Variants in KHNYN observed in about 807,000 individuals in gnomAD.
KHNYN encodes the protein KH and NYN domain containing, also known as protein KHNYN.
Under a neutral mutation model 62.7 loss-of-function variants are expected in KHNYN, and 42 were observed. The ratio of observed to expected loss-of-function variants is 0.67; its 90% CI spans 0.52 to 0.87. The LOEUF (loss-of-function observed/expected upper bound fraction) is 0.87. Ranked by LOEUF, KHNYN falls within the 40% of genes least tolerant of loss-of-function variation. The pLI, the probability that KHNYN is intolerant of heterozygous loss-of-function variation, is 0.00. For missense variants in KHNYN, 829 were observed against 874.1 expected (o/e 0.95, Z 0.65); for synonymous variants, 347 against 345.6 (o/e 1.00, Z -0.04).
At chr14:24,425,562 G>A (rs2043012109), upstream of KHNYN, among the ~76,000 whole-genome samples, 1 of 152,164 alleles carries the variant, frequency 6.6e-6, no homozygotes, top group South Asian at 2.1e-4. Flanking sequence ...ATGATCATAA[G>A]GCTGCCATCC....
chr14:24,439,927 A>G lies in KHNYN; in HGVS notation c.*2642A>G. On this transcript the variant is annotated 3_prime_UTR_variant, in exon 8 of 8. Coordinates refer to ENST00000553935, the MANE Select transcript of KHNYN (RefSeq NM_015299.3). ...CCAACCTGATGAGATTACGGCCTTG[A>G]GACAATAAGGTGGAGCAACAGAACA... is the stretch of plus-strand genomic sequence containing the variant. 1.6e-6 allele frequency: 1 copy of G among 624,684 alleles called. No homozygotes were observed. 38.7% of individuals were successfully genotyped at this position (624,684 alleles called of 1,614,324 possible).
rs746913546 is a variant in KHNYN, at chr14:24,432,112, A to G, written c.851A>G (p.Glu284Gly). ...ELPGEEAWEREVALRPQSVGG... is the reference protein window; with the variant it reads ...ELPGEEAWERGVALRPQSVGG... ...CCTGGGGAAGAGGCGTGGGAGAGAG[A>G]AGTGGCCCTCAGGCCACAGTCAGTG... The change falls in exon 3 of 8, where the codon GAA becomes GGA. Residue 284 changes from glutamate (E) to glycine (G), a missense_variant. Physicochemically the swap from Glu to Gly is moderately conservative, Grantham distance 98. This residue lies in a region of KHNYN where 559 missense variants were observed against 527.0 expected (regional missense o/e 1.06). Coordinates refer to ENST00000553935, the MANE Select transcript of KHNYN (RefSeq NM_015299.3). This position sits in a 1 kb window ranked among gnomAD's most constrained non-coding sequence, Gnocchi z 5.6. The G allele has an allele frequency of 6.4e-7, 1 of 1,553,402 alleles. No individual in the cohort carries two copies.
chr14:24,425,180 G>A (rs539878908), upstream of KHNYN, among the ~76,000 whole-genome samples: 45 of 152,270 alleles, frequency 3.0e-4, no homozygotes, highest in South Asian at 6.2e-3. Flanking sequence ...CGGCCTGGTC[G>A]ACAGAGCATG....
At chr14:24,436,892 G>C (rs1363089880) in intron 7 of KHNYN, 144 bp from the exon 8 acceptor site, 9 of 1,061,276 alleles carry the variant, frequency 8.5e-6, no homozygotes, top group Non-Finnish European at 1.2e-5. Context: ...GGTTGATACT[G>C]CCACTCAGTG....
chr14:24,439,337 G>T lies in KHNYN; in HGVS notation c.*2052G>T, dbSNP rs1024951053. The T allele has an allele frequency of 6.6e-6, 1 of 152,222 alleles. No homozygotes were observed. Among genetic ancestry groups the T allele is most frequent in the Admixed American group, 6.5e-5 (1 of 15,288 alleles). The allele number at this position is 152,222 out of a possible 1,614,324, so 9.4% of individuals were successfully genotyped here. A position where few individuals can be genotyped will look rare whatever the true frequency, so the allele number is the denominator to read the frequency against. On this transcript the variant is annotated 3_prime_UTR_variant, in exon 8 of 8. Transcript: ENST00000553935. ...TGACTGAGTGGCCCCAGTCAGATGA[G>T]AGGCAAGTCCTAAGCTTCTTATAGA...
chr14:24,429,124 G>A, upstream of KHNYN: 1 of 1,433,078 alleles, frequency 7.0e-7, no homozygotes, highest in Non-Finnish European at 9.3e-7. Flanking sequence ...TCCTCTCCCT[G>A]GATTCTCACC....
rs762485658 is a variant in KHNYN, at chr14:24,430,736, T to C, written c.6T>C (p.Pro2=). M[P]TWGARPASPD... ...CAGGGCTGGGGGCAGCAGCCATGCC[T>C]ACCTGGGGGGCCCGCCCCGCGTCCC... The change falls in exon 2 of 8, where the codon CCT becomes CCC. Residue 2 remains proline, a synonymous_variant. Transcript: ENST00000553935. The C allele has an allele frequency of 2.7e-5, 42 of 1,562,612 alleles. No individual in the cohort carries two copies. The highest frequency in any genetic ancestry group is 3.6e-5 in the Non-Finnish European group (42 of 1,153,340).
At chr14:24,430,388 C>A (rs2043084209) in intron 1 of KHNYN, 4 of 1,057,784 alleles carry the variant, frequency 3.8e-6, no homozygotes, top group Non-Finnish European at 4.7e-6. Context: ...CCTTAAGAAG[C>A]TTCAGAGTGC....
upstream of KHNYN, among the ~76,000 whole-genome samples, chr14:24,424,786 C>A (rs1424723669): frequency 1.3e-5 from 2 of 152,210 alleles, no homozygotes; most frequent in African/African-American, 4.8e-5. Context: ...GAAGTGGATT[C>A]TTCCCCTCCA....
chr14:24,433,769 G>T (rs1484464203), intron 5 of KHNYN, among the ~76,000 whole-genome samples: 1 of 152,216 alleles, frequency 6.6e-6, no homozygotes, highest in Non-Finnish European at 1.5e-5. Context: ...TACAGTCGTG[G>T]AGACAGAGGG....
chr14:24,430,675 G>T, intron 1 of KHNYN, 39 bp from the exon 2 acceptor site: 1 of 1,539,364 alleles, frequency 6.5e-7, no homozygotes, highest in South Asian at 1.2e-5. Flanking sequence ...TTTGGATGGA[G>T]GGTACAATGA....
rs762958851 is a variant in KHNYN, at chr14:24,431,860, G to T, written c.599G>T (p.Gly200Val). 7.7e-5 allele frequency: 124 copies of T among 1,614,098 alleles called. No homozygotes were observed. In the Middle Eastern group the frequency reaches 1.5e-3, roughly 19 times the overall value. Reference protein sequence around the residue: ...LLSLVQEASSGQGPGALASWE... With the variant: ...LLSLVQEASSVQGPGALASWE... ...AGTCTGGTGCAGGAGGCGTCTAGTG[G>T]GCAGGGGCCAGGAGCACTGGCTTCT... The change falls in exon 3 of 8, where the codon GGG becomes GTG. Residue 200 changes from glycine to valine, a missense_variant. This residue lies in a region of KHNYN where 559 missense variants were observed against 527.0 expected (regional missense o/e 1.06). Coordinates refer to ENST00000553935, the MANE Select transcript of KHNYN (RefSeq NM_015299.3).
chr14:24,435,933 C>A, intron 5 of KHNYN, 139 bp from the exon 6 acceptor site: 6 of 672,930 alleles, frequency 8.9e-6, no homozygotes, highest in East Asian at 2.6e-5. Flanking sequence ...TTGGGGGATA[C>A]CAATACAGTT....
chr14:24,424,560 T>C (rs1354254345), upstream of KHNYN, among the ~76,000 whole-genome samples: 1 of 152,150 alleles, frequency 6.6e-6, no homozygotes, highest in East Asian at 1.9e-4. Flanking sequence ...GACCTTAAAA[T>C]AGGGAGATTA....
Position 24,437,557 on chromosome 14 carries a change from G to A in KHNYN, c.*272G>A, listed in dbSNP as rs2043226193. 1 of 343,228 alleles carries A rather than the reference G, an allele frequency of 2.9e-6. No homozygotes were observed. The allele number at this position is 343,228 out of a possible 1,614,324, so 21.3% of individuals were successfully genotyped here. A position where few individuals can be genotyped will look rare whatever the true frequency, so the allele number is the denominator to read the frequency against. On this transcript the variant is annotated 3_prime_UTR_variant, in exon 8 of 8. Transcript: ENST00000553935. The surrounding 1 kb of genome is among the most constrained non-coding windows in gnomAD (Gnocchi z 5.5). Reference sequence around the variant, plus strand: ...GTAGGGAGTGGGGGCTGCTAGAGGGGATTAGTTCCGGAGACTGAGACTGTT... The same window carrying A: ...GTAGGGAGTGGGGGCTGCTAGAGGGAATTAGTTCCGGAGACTGAGACTGTT...
chr14:24,431,437 C>G, intron 2 of KHNYN, 26 bp from the exon 3 acceptor site: 1 of 1,535,334 alleles, frequency 6.5e-7, no homozygotes, highest in Non-Finnish European at 8.8e-7. Context: ...GTTTACTTTT[C>G]CTGACCTTCC....
At position 24,430,161 on chromosome 14, in the gene KHNYN, G is replaced by A. The variant is rs552392045; in HGVS notation, c.-18+42G>A. On this transcript the variant is annotated intron_variant, in intron 1 of 7. Coordinates refer to ENST00000553935, the MANE Select transcript of KHNYN (RefSeq NM_015299.3). ...ACCGCGCCCGGGAGCGGGGAGCGGGGGCCGCGGTGCGGAGTAGGCCCGGCC... is the reference window on the plus strand; with the variant it reads ...ACCGCGCCCGGGAGCGGGGAGCGGGAGCCGCGGTGCGGAGTAGGCCCGGCC... 512 of 983,012 alleles carry A rather than the reference G, an allele frequency of 5.2e-4. 4 individuals carry two copies. In the African/African-American group the frequency reaches 8.2e-3, roughly 16 times the overall value. The allele number at this position is 983,012 out of a possible 1,614,324, so 60.9% of individuals were successfully genotyped here.
chr14:24,430,267 G>C (rs10146358), intron 1 of KHNYN, 148 bp downstream of exon 1: 58,009 of 738,156 alleles, frequency 0.079, 2,452 homozygotes, highest in Middle Eastern at 0.14. Flanking sequence ...CTGGCCCGAC[G>C]GAGAGGGGCA....
In KHNYN at chr14:24,432,482, C is replaced by A. The variant is rs1351680686; in HGVS notation, c.1221C>A (p.Gly407=). The A allele has an allele frequency of 6.2e-7, 1 of 1,613,608 alleles. No individual in the cohort carries two copies. The highest frequency in any genetic ancestry group is 2.2e-5 in the East Asian group (1 of 44,878). The change falls in exon 3 of 8, where the codon GGC becomes GGA. Residue 407 remains glycine (G), a synonymous_variant. Transcript: ENST00000553935. This position sits in a 1 kb window ranked among gnomAD's most constrained non-coding sequence, Gnocchi z 5.6. ...AATGGAAACGAGGCGCCCGAGGGGG[C>A]AACTTGGTGACTGGCACACAGCGTT... ...GPQWKRGARG[G]NLVTGTQRFK...
Sources: gnomAD v4.1 joint callset for allele counts (sites outside exome capture counted in the v4.1 genomes callset) on GRCh38, gnomAD v4.1.1 for gene constraint, gnomAD v4.1.1 regional missense constraint, Gnocchi (gnomAD v3.1) non-coding constraint, MANE v1.5 for transcripts, NCBI Gene and HGNC (gene_info 2026-07-23, HGNC 2026-07-21) for gene names.